DNM2: variants seen among roughly 807,000 people sequenced by gnomAD.
DNM2 encodes dynamin 2.
In DNM2, 15 loss-of-function variants were observed where a neutral mutation model predicts 99.0. The observed-to-expected ratio is 0.15, with a 90% CI of 0.10 to 0.23. The LOEUF is 0.23. DNM2 is among the 10% of genes least tolerant of loss of function. The probability of loss-of-function intolerance (pLI) is 1.00; values close to 1 mark genes in which losing one functional copy is unlikely to be tolerated. For missense variants in DNM2, 742 were observed against 1,189.4 expected, an observed-to-expected ratio of 0.62 and a Z score of 5.53; for synonymous variants, 525 against 481.2, an observed-to-expected ratio of 1.09 and a Z score of -1.19.
chr19:10,787,563 G>A (rs542900679), intron 7 of DNM2, among the ~76,000 whole-genome samples: 1 of 150,708 alleles, frequency 6.6e-6, no homozygotes, highest in Admixed American at 6.6e-5. Flanking sequence ...TCAGGAGATT[G>A]AGACCACGGT....
intron 1 of DNM2, 45 bp downstream of exon 1, chr19:10,718,448 C>A: frequency 2.2e-6 from 3 of 1,356,146 alleles, no homozygotes; most frequent in Non-Finnish European, 2.8e-6. Flanking sequence ...CGGCCTAGGG[C>A]GCGGAGGGCG....
rs2072182332 is a variant in DNM2 at position 10,802,355 on chromosome 19, C to T, written c.1490C>T (p.Ala497Val). 1 of 1,614,136 alleles carries T rather than the reference C, an allele frequency of 6.2e-7. No individual in the cohort carries two copies. Among genetic ancestry groups the T allele is most frequent in the Non-Finnish European group, 8.5e-7 (1 of 1,180,026 alleles). Residue 497 changes from alanine to valine, a missense_variant, in exon 12 of 21, where the codon GCC becomes GTC. Around this residue, in one of 7 missense-constraint regions of DNM2, gnomAD observed 240 missense variants for 431.3 expected, o/e 0.56. Transcript: ENST00000389253. Reference protein sequence around the residue: ...NTNHEDFIGFANAQQRSTQLN... With the variant: ...NTNHEDFIGFVNAQQRSTQLN... ...AACCATGAGGACTTCATCGGGTTTG[C>T]CAAGTAGGTACTTTTAGAGACTGGC... is the stretch of plus-strand genomic sequence containing the variant.
rs139205565 is a variant in DNM2 at position 10,772,054 on chromosome 19, T to TTTCTA, written c.236-423_236-422insCTATT. Among the ~76,000 whole-genome samples the TTTCTA allele has an allele frequency of 2.7e-5, 4 of 146,472 alleles. No individual in the cohort carries two copies. The East Asian group carries it at 8.0e-4, about 29-fold the overall frequency. On this transcript the variant is annotated intron_variant, in intron 2 of 20. Transcript: ENST00000389253. The surrounding 1 kb of genome is among the most constrained non-coding windows in gnomAD (Gnocchi z 4.9). ...GACGATGATTGGGTCATTATTTTCTTTTTTATTTTATTTTATTTTATTTTA... is the reference window on the plus strand; with the variant it reads ...GACGATGATTGGGTCATTATTTTCTTTTCTATTTTATTTTATTTTATTTTATTTTA...
At chr19:10,790,030 A>G (rs1186421048) in intron 7 of DNM2, among the ~76,000 whole-genome samples, 1 of 152,148 alleles carries the variant, frequency 6.6e-6, no homozygotes, top group Non-Finnish European at 1.5e-5. Context: ...CGCCACTGTT[A>G]TCTGTGTCTC....
intron 18 of DNM2, among the ~76,000 whole-genome samples, chr19:10,826,414 T>C (rs1280072476): frequency 6.6e-6 from 1 of 152,204 alleles, no homozygotes; most frequent in African/African-American, 2.4e-5. Flanking sequence ...GGGCCCAGCC[T>C]CTTCCTCATG....
Position 10,773,707 on chromosome 19 carries a change from A to G in DNM2, c.385+1079A>G, listed in dbSNP as rs147185741. On this transcript the variant is annotated intron_variant, in intron 3 of 20. Coordinates refer to ENST00000389253, the MANE Select transcript of DNM2 (RefSeq NM_001005361.3). Reference sequence around the variant, plus strand: ...GGTCTCGAACTCCTGAGCTCAGGCAATCCACCCACCTCAGACTCCCAAAGT... The same window carrying G: ...GGTCTCGAACTCCTGAGCTCAGGCAGTCCACCCACCTCAGACTCCCAAAGT... 3.2e-3 allele frequency among the ~76,000 whole-genome samples: 490 copies of G among 151,802 alleles called. 1 individual carries two copies. The highest frequency in any genetic ancestry group is 0.011 in the African/African-American group (471 of 41,342).
At chr19:10,788,797 G>A (rs2071652709) in intron 7 of DNM2, among the ~76,000 whole-genome samples, 1 of 152,226 alleles carries the variant, frequency 6.6e-6, no homozygotes, top group Non-Finnish European at 1.5e-5. Flanking sequence ...CAGAGCAGGT[G>A]ACAGGGACAC....
intron 11 of DNM2, among the ~76,000 whole-genome samples, chr19:10,800,457 G>A: frequency 6.6e-6 from 1 of 152,220 alleles, no homozygotes; most frequent in East Asian, 1.9e-4. Flanking sequence ...TGGTAAGAAT[G>A]CTGCCGGCCC....
At chr19:10,829,315 T>C (rs2073253129) in intron 19 of DNM2, 47 bp downstream of exon 19, 1 of 1,598,160 alleles carries the variant, frequency 6.3e-7, no homozygotes, top group Admixed American at 1.7e-5. Flanking sequence ...GCCTGCAGGT[T>C]CCTGCCCTCC....
chr19:10,803,574 A>G (rs956236503), intron 12 of DNM2: 11 of 960,896 alleles, frequency 1.1e-5, no homozygotes, highest in Non-Finnish European at 1.4e-5. Context: ...CCTTCTCACA[A>G]TCTCTCCTGT....
intron 1 of DNM2, among the ~76,000 whole-genome samples, chr19:10,749,306 G>A (rs1202112505): frequency 3.3e-5 from 5 of 152,196 alleles, no homozygotes; most frequent in Admixed American, 6.5e-5. Flanking sequence ...TTCAAAAAAC[G>A]GTAAATAAAC....
rs201162827 is a variant in DNM2 at position 10,829,206 on chromosome 19, T to C, written c.2229T>C (p.Thr743=). The change falls in exon 19 of 21, where the codon ACT becomes ACC. Residue 743 remains threonine (T), a synonymous_variant. Transcript: ENST00000389253. ...TCATCGGTGACATCAGCACCAGCAC[T>C]GTGTCCACGCCTGTACCCCCGCCTG... The part of the protein sequence containing the change: ...LNIIGDISTS[T]VSTPVPPPVD... The C allele has an allele frequency of 9.3e-6, 15 of 1,613,984 alleles. No homozygotes were observed. The highest frequency in any genetic ancestry group is 3.3e-4 in the Middle Eastern group (2 of 6,060).
intron 1 of DNM2, among the ~76,000 whole-genome samples, chr19:10,746,715 G>A (rs954507387): frequency 5.0e-5 from 7 of 140,248 alleles, no homozygotes; most frequent in African/African-American, 8.1e-5. Context: ...CAACCGTGCC[G>A]GCTTTTTTTT....
chr19:10,719,397 C>G (rs545956960), intron 1 of DNM2, among the ~76,000 whole-genome samples: 45 of 152,172 alleles, frequency 3.0e-4, no homozygotes, highest in Admixed American at 1.1e-3. Flanking sequence ...GGGGGCCCTC[C>G]TTTGGAGCCT....
chr19:10,773,149 T>A (rs1321367080), intron 3 of DNM2, among the ~76,000 whole-genome samples: 2 of 144,014 alleles, frequency 1.4e-5, no homozygotes, highest in Non-Finnish European at 3.1e-5. Context: ...CCAGCTAATT[T>A]TTTTTTTTTT....
rs1568317493 is a variant in DNM2 at position 10,817,824 on chromosome 19, C to CTG, written c.1672-2156_1672-2155insTG. ...ACGTGTGTGTGTGTGTGTGCGCGCGCGCGCACGCGTGCGTGCCGGCAGCAC... is the reference window on the plus strand; with the variant it reads ...ACGTGTGTGTGTGTGTGTGCGCGCGCTGGCGCACGCGTGCGTGCCGGCAGCAC... On this transcript the variant is annotated intron_variant, in intron 15 of 20. Transcript: ENST00000389253. The surrounding 1 kb of genome is among the most constrained non-coding windows in gnomAD (Gnocchi z 4.6). Among the ~76,000 whole-genome samples, 6 of 149,242 alleles carry CTG rather than the reference C, an allele frequency of 4.0e-5. No individual in the cohort carries two copies. Among genetic ancestry groups the CTG allele is most frequent in the African/African-American group, 1.5e-4 (6 of 40,238 alleles).
intron 2 of DNM2, among the ~76,000 whole-genome samples, chr19:10,760,852 A>T (rs1204816728): frequency 8.8e-4 from 5 of 5,660 alleles, no homozygotes; most frequent in Admixed American, 2.4e-3. Context: ...TTTGGTAGAG[A>T]TGGGGGTTAT....
At chr19:10,743,123 C>G (rs986845442) in intron 1 of DNM2, among the ~76,000 whole-genome samples, 9 of 151,880 alleles carry the variant, frequency 5.9e-5, no homozygotes, top group Non-Finnish European at 1.2e-4. Flanking sequence ...CCAGGCTGGT[C>G]TTGAACTCCT....
In DNM2 at chr19:10,831,108, G is replaced by C. The variant is rs1211059522; in HGVS notation, c.*61G>C. 1 of 1,533,054 alleles carries C rather than the reference G, an allele frequency of 6.5e-7. No individual in the cohort carries two copies. Among genetic ancestry groups the C allele is most frequent in the Non-Finnish European group, 8.8e-7 (1 of 1,139,460 alleles). 95.0% of individuals were successfully genotyped at this position (1,533,054 alleles called of 1,614,324 possible). On this transcript the variant is annotated 3_prime_UTR_variant, in exon 21 of 21. Transcript: ENST00000389253. This position sits in a 1 kb window ranked among gnomAD's most constrained non-coding sequence, Gnocchi z 4.3. ...GCACCCGCGGCGCAGGAGCTTCAGT[G>C]GTCTGGGGCCCTCCGCCGCCCCTAT... is the stretch of plus-strand genomic sequence containing the variant.
Sources: gnomAD v4.1 joint callset for allele counts (sites outside exome capture counted in the v4.1 genomes callset) on GRCh38, gnomAD v4.1.1 for gene constraint, gnomAD v4.1.1 regional missense constraint, Gnocchi (gnomAD v3.1) non-coding constraint, MANE v1.5 for transcripts, NCBI Gene and HGNC (gene_info 2026-07-23, HGNC 2026-07-21) for gene names.